The following PUDP variants were observed in gnomAD, a reference collection of about 807,000 sequenced individuals.
PUDP encodes the protein pseudouridine-5'-phosphatase.
PUDP carries 8 observed loss-of-function variants against 9.4 expected under a neutral mutation model. That is an observed-to-expected ratio of 0.85 (90% confidence interval 0.50 to 1.53). The LOEUF is 1.53. Ranked by LOEUF, PUDP falls within the 40% of genes most tolerant of loss-of-function variation. The probability of loss-of-function intolerance (pLI) is 0.00; values close to 1 mark genes in which losing one functional copy is unlikely to be tolerated. For missense variants in PUDP, 188 were observed against 189.7 expected (o/e 0.99, Z 0.05); for synonymous variants, 99 against 80.7 (o/e 1.23, Z -1.22).
At chrX:6,776,500 C>T (rs941048778) in intron 3 of PUDP, among the ~76,000 whole-genome samples, 2 of 111,219 alleles carry the variant, frequency 1.8e-5, no homozygotes, top group Non-Finnish European at 3.8e-5. Context: ...CACTACACTC[C>T]GGCCTGGGTG....
At chrX:7,024,753 A>AGTTTTTTTTTTTTTTTTTT in intron 1 of PUDP, among the ~76,000 whole-genome samples, 1 of 29,532 alleles carries the variant, frequency 3.4e-5, no homozygotes, top group South Asian at 1.4e-3. Flanking sequence ...CGCCCGGCTA[A>AGTTTTTTTTTTTTTTTTTT]CTTTTTTTTT....
chrX:7,057,583 C>A, intron 3 of PUDP: 1 of 1,078,105 alleles, frequency 9.3e-7, no homozygotes, highest in Non-Finnish European at 1.2e-6. Flanking sequence ...GGTCTTGGGG[C>A]CGCCATTTTG....
intron 1 of PUDP, among the ~76,000 whole-genome samples, chrX:6,996,274 A>G (rs988189136): frequency 6.3e-5 from 7 of 111,818 alleles, no homozygotes; most frequent in Middle Eastern, 4.6e-3. Flanking sequence ...GAGGAGCATG[A>G]GAAACAAATA....
At chrX:6,790,165 G>A (rs1365218315) in intron 3 of PUDP, among the ~76,000 whole-genome samples, 2 of 111,474 alleles carry the variant, frequency 1.8e-5, no homozygotes, top group East Asian at 5.7e-4. Context: ...AGAGAAGGAA[G>A]ACAGATGACA....
chrX:7,037,974 C>T (rs951013485), intron 1 of PUDP, among the ~76,000 whole-genome samples: 1 of 111,512 alleles, frequency 9.0e-6, no homozygotes, highest in Non-Finnish European at 1.9e-5. Flanking sequence ...TGAGGAGCTA[C>T]AGAACAAACC....
At chrX:7,057,797 G>A in intron 3 of PUDP, 1 of 1,153,808 alleles carries the variant, frequency 8.7e-7, no homozygotes, top group Non-Finnish European at 1.1e-6. Context: ...TCTGTGCGGT[G>A]AGCAGACGAG....
At chrX:7,096,347 G>C (rs762357383) in intron 2 of PUDP, among the ~76,000 whole-genome samples, 8 of 111,645 alleles carry the variant, frequency 7.2e-5, no homozygotes, top group Non-Finnish European at 1.5e-4. Flanking sequence ...GCATATCTCT[G>C]TGTGCCTGTG....
upstream of PUDP, among the ~76,000 whole-genome samples, chrX:6,721,770 T>C (rs1924676434): frequency 8.9e-6 from 1 of 111,947 alleles, no homozygotes; most frequent in Admixed American, 9.5e-5. Flanking sequence ...CTATATTCCA[T>C]GGAAATCACC....
chrX:7,133,964 TAAAC>T (rs1331789564), intron 1 of PUDP, among the ~76,000 whole-genome samples: 1 of 112,191 alleles, frequency 8.9e-6, no homozygotes, highest in Non-Finnish European at 1.9e-5. Context: ...AAAATCATGT[TAAAC>T]AGTGCAATGG....
At chrX:6,757,355 T>C (rs918500552) in intron 3 of PUDP, among the ~76,000 whole-genome samples, 13 of 109,529 alleles carry the variant, frequency 1.2e-4, no homozygotes, top group African/African-American at 4.3e-4. Flanking sequence ...TCCATAGTGC[T>C]AGGGAGAAGA....
intron 3 of PUDP, among the ~76,000 whole-genome samples, chrX:6,732,524 G>A (rs971043991): frequency 9.6e-6 from 1 of 104,651 alleles, no homozygotes; most frequent in South Asian, 4.9e-4. Flanking sequence ...AGAGGCACAC[G>A]TGAGGTAAGT....
chrX:6,770,736 C>A (rs1345373849), intron 3 of PUDP, among the ~76,000 whole-genome samples: 1 of 111,941 alleles, frequency 8.9e-6, no homozygotes, highest in Non-Finnish European at 1.9e-5. Context: ...TGGTGCCCAT[C>A]TGCATTAAGA....
intron 1 of PUDP, among the ~76,000 whole-genome samples, chrX:7,130,024 T>C: frequency 8.9e-6 from 1 of 111,846 alleles, no homozygotes; most frequent in African/African-American, 3.2e-5. Flanking sequence ...CAAAGCACTT[T>C]TCTTTTCACT....
chrX:7,071,735 G>A (rs1930737431), intron 3 of PUDP, among the ~76,000 whole-genome samples: 1 of 108,339 alleles, frequency 9.2e-6, no homozygotes, highest in African/African-American at 3.4e-5. Flanking sequence ...GAATTTCACA[G>A]AACACCTGTA....
At chrX:7,111,086 T>A (rs1458200220) in intron 1 of PUDP, among the ~76,000 whole-genome samples, 1 of 110,737 alleles carries the variant, frequency 9.0e-6, no homozygotes, top group Non-Finnish European at 1.9e-5. Flanking sequence ...CTCGTGATAG[T>A]GAGATCTGAA....
intron 3 of PUDP, among the ~76,000 whole-genome samples, chrX:6,738,674 T>C (rs901968198): frequency 9.9e-5 from 11 of 111,313 alleles, no homozygotes; most frequent in Non-Finnish European, 1.7e-4. Context: ...TTAGCATCTG[T>C]TGGGTAGAGA....
chrX:6,810,051 A>G (rs1327967405), intron 3 of PUDP, among the ~76,000 whole-genome samples: 1 of 107,181 alleles, frequency 9.3e-6, no homozygotes, highest in East Asian at 3.0e-4. Context: ...CTGCACTCCA[A>G]CCTGAAGAAC....
At position 7,105,853 on chromosome X, in the gene PUDP, AAAG is replaced by A. The variant is rs756406310; in HGVS notation, c.62-18_62-16del. The A allele has an allele frequency of 1.8e-6, 2 of 1,136,809 alleles. No individual in the cohort carries two copies. Among genetic ancestry groups the A allele is most frequent in the South Asian group, 3.8e-5 (2 of 52,193 alleles). 93.7% of individuals were successfully genotyped at this position (1,136,809 alleles called of 1,213,427 possible). On this transcript the variant is annotated splice_polypyrimidine_tract_variant and intron_variant, in intron 1 of 3. Transcript: ENST00000381077. ...CCGTTCAGTATCTGCAGGAAAAAAA[AAAG>A]AGATTTTTAGAGTGCATACTGTATG...
At chrX:6,950,258 A>T (rs1213426312) in intron 3 of PUDP, among the ~76,000 whole-genome samples, 1 of 100,975 alleles carries the variant, frequency 9.9e-6, no homozygotes, top group East Asian at 3.3e-4. Flanking sequence ...GAACCACTTG[A>T]ACCAGGGAGG....
Sources: gnomAD v4.1 joint callset for allele counts (sites outside exome capture counted in the v4.1 genomes callset) on GRCh38, gnomAD v4.1.1 for gene constraint, MANE v1.5 for transcripts, NCBI Gene and HGNC (gene_info 2026-07-23, HGNC 2026-07-21) for gene names.